RGS6: variants seen among roughly 807,000 people sequenced by gnomAD.
The protein encoded by RGS6 is regulator of G-protein signaling 6.
RGS6 carries 30 observed loss-of-function variants against 78.5 expected under a neutral mutation model. That is an observed-to-expected ratio of 0.38 (90% confidence interval 0.29 to 0.52). RGS6 has a LOEUF of 0.52. RGS6 is among the 20% of genes least tolerant of loss of function. The pLI is 0.85. For synonymous variants in RGS6, 206 were observed against 206.0 expected (o/e 1.00, Z 0.00); for missense variants, 495 against 609.7 (o/e 0.81, Z 1.98).
chr14:71,956,151 A>G (rs1257077505), intron 1 of RGS6, among the ~76,000 whole-genome samples: 7 of 152,122 alleles, frequency 4.6e-5, no homozygotes, highest in African/African-American at 1.7e-4. Flanking sequence ...TGTGGCCATG[A>G]ATTTAATGCA....
intron 13 of RGS6, among the ~76,000 whole-genome samples, chr14:72,504,146 A>G (rs1307137134): frequency 1.3e-5 from 2 of 152,218 alleles, no homozygotes; most frequent in African/African-American, 2.4e-5. Flanking sequence ...TAATTCTTCC[A>G]TTGTCTTGAA....
At chr14:72,011,168 G>A (rs551796601) in intron 2 of RGS6, among the ~76,000 whole-genome samples, 1 of 152,282 alleles carries the variant, frequency 6.6e-6, no homozygotes, top group African/African-American at 2.4e-5. Flanking sequence ...TTGGTTATGA[G>A]TTTCATGAGA....
chr14:72,556,507 T>C (rs775407751), intron 17 of RGS6, among the ~76,000 whole-genome samples: 7 of 152,116 alleles, frequency 4.6e-5, no homozygotes, highest in Non-Finnish European at 1.0e-4. Context: ...CAATACAGGA[T>C]AGAGTAAGGT....
chr14:71,970,269 C>T (rs568140011), intron 2 of RGS6, among the ~76,000 whole-genome samples: 5 of 152,226 alleles, frequency 3.3e-5, no homozygotes, highest in Admixed American at 2.6e-4. Flanking sequence ...TCTTGTATAT[C>T]AACAGGTTAG....
intron 2 of RGS6, among the ~76,000 whole-genome samples, chr14:71,986,943 C>G (rs185995843): frequency 6.6e-6 from 1 of 152,118 alleles, no homozygotes; most frequent in African/African-American, 2.4e-5. Flanking sequence ...CTTCCTTTCT[C>G]TCTCTTATAG....
chr14:72,393,559 C>G (rs2090490527), intron 3 of RGS6, among the ~76,000 whole-genome samples: 1 of 152,154 alleles, frequency 6.6e-6, no homozygotes. Context: ...CAGTAGAACC[C>G]AAGTCTCCCA....
At chr14:72,020,300 T>C (rs890229836) in intron 2 of RGS6, among the ~76,000 whole-genome samples, 1 of 152,226 alleles carries the variant, frequency 6.6e-6, no homozygotes, top group Non-Finnish European at 1.5e-5. Context: ...TGCAAGTCAG[T>C]TTCTTATAAG....
intron 2 of RGS6, among the ~76,000 whole-genome samples, chr14:72,265,982 T>C (rs1203568126): frequency 1.3e-5 from 2 of 151,722 alleles, no homozygotes; most frequent in Non-Finnish European, 2.9e-5. Context: ...CAGCTCCTCA[T>C]ACTTGCTGTT....
chr14:72,124,895 C>T lies in RGS6; in HGVS notation c.84+160020C>T, dbSNP rs2096149596. On this transcript the variant is annotated intron_variant, in intron 2 of 17. Coordinates refer to ENST00000553525, the MANE Select transcript of RGS6 (RefSeq NM_001204424.2). ...CTCCAGTACTAAGTAGTATAAAGGC[C>T]AAAAGTCAGATAAACAACATAAGAG... Among the ~76,000 whole-genome samples, 3 of 152,012 alleles carry T rather than the reference C, an allele frequency of 2.0e-5. No individual in the cohort carries two copies. The South Asian group carries it at 6.2e-4, about 31-fold the overall frequency.
chr14:72,098,469 T>G (rs1265445933), intron 2 of RGS6, among the ~76,000 whole-genome samples: 1 of 152,194 alleles, frequency 6.6e-6, no homozygotes, highest in East Asian at 1.9e-4. Flanking sequence ...CTTTTGACGG[T>G]GTGGACAGGG....
At chr14:71,912,825 AT>A in the RGS6 span, among the ~76,000 whole-genome samples, 9 of 149,148 alleles carry the variant, frequency 6.0e-5, no homozygotes, top group Non-Finnish European at 7.5e-5. Flanking sequence ...TCACTTTTTT[AT>A]TTTTTTTTTA....
chr14:72,075,687 A>G (rs1005515256), intron 2 of RGS6, among the ~76,000 whole-genome samples: 2 of 151,944 alleles, frequency 1.3e-5, no homozygotes, highest in Non-Finnish European at 2.9e-5. Context: ...ATAGGCTGAC[A>G]TTTTTCCTTG....
At chr14:72,613,775 C>G in the RGS6 span, among the ~76,000 whole-genome samples, 1 of 152,206 alleles carries the variant, frequency 6.6e-6, no homozygotes, top group Non-Finnish European at 1.5e-5. Flanking sequence ...AGTTTCCTGA[C>G]AGCTCTTCCT....
Position 72,268,254 on chromosome 14 carries a change from C to A in RGS6, c.85-83841C>A, listed in dbSNP as rs191855675. Among the ~76,000 whole-genome samples the A allele has an allele frequency of 4.6e-5, 7 of 152,278 alleles. No individual in the cohort carries two copies. In the East Asian group the frequency reaches 1.4e-3, roughly 29 times the overall value. On this transcript the variant is annotated intron_variant, in intron 2 of 17. Transcript: ENST00000553525. Reference sequence around the variant, plus strand: ...CCTCATGAGGCCCTCTTTCGTTAACCGAAGAACAAGCTGCAGTCTGAATGT... The same window carrying A: ...CCTCATGAGGCCCTCTTTCGTTAACAGAAGAACAAGCTGCAGTCTGAATGT...
At chr14:72,054,975 T>A (rs1481686156) in intron 2 of RGS6, among the ~76,000 whole-genome samples, 1 of 152,242 alleles carries the variant, frequency 6.6e-6, no homozygotes, top group African/African-American at 2.4e-5. Context: ...GTGCTTATAC[T>A]GCAGTTTTTC....
the RGS6 span, among the ~76,000 whole-genome samples, chr14:71,867,824 G>A: frequency 6.6e-6 from 1 of 152,142 alleles, no homozygotes; most frequent in Non-Finnish European, 1.5e-5. Context: ...GGTAGGGGAT[G>A]TGGGCTCACT....
intron 2 of RGS6, among the ~76,000 whole-genome samples, chr14:72,091,646 C>G (rs1359822279): frequency 2.6e-5 from 4 of 152,160 alleles, no homozygotes. Flanking sequence ...AATGGTTTGG[C>G]TGCACATCAC....
chr14:72,327,819 A>G (rs1245130309), intron 2 of RGS6, among the ~76,000 whole-genome samples: 4 of 152,242 alleles, frequency 2.6e-5, no homozygotes, highest in Admixed American at 6.5e-5. Flanking sequence ...TGAAATGGGA[A>G]TAACTATTTA....
intron 2 of RGS6, among the ~76,000 whole-genome samples, chr14:72,007,726 C>A (rs910321280): frequency 6.6e-6 from 1 of 152,076 alleles, no homozygotes; most frequent in African/African-American, 2.4e-5. Flanking sequence ...AGTAGTGCTC[C>A]CTGGAAGCTC....
Sources: gnomAD v4.1 joint callset for allele counts (sites outside exome capture counted in the v4.1 genomes callset) on GRCh38, gnomAD v4.1.1 for gene constraint, MANE v1.5 for transcripts, NCBI Gene and HGNC (gene_info 2026-07-23, HGNC 2026-07-21) for gene names.